NRIP1: variants seen among roughly 807,000 people sequenced by gnomAD.
NRIP1 encodes nuclear receptor interacting protein 1.
A neutral mutation model predicts 75.0 loss-of-function variants in NRIP1; 28 were observed. The ratio of observed to expected loss-of-function variants is 0.37; its 90% CI spans 0.28 to 0.51. The LOEUF (loss-of-function observed/expected upper bound fraction) is 0.51, where lower values mean the gene tolerates loss of function less well. NRIP1 is among the 20% of genes least tolerant of loss of function. The probability of loss-of-function intolerance (pLI) is 0.92; values close to 1 mark genes in which losing one functional copy is unlikely to be tolerated. For missense variants in NRIP1, 1,435 were observed against 1,343.7 expected (o/e 1.07, Z -1.06); for synonymous variants, 526 against 487.6 (o/e 1.08, Z -1.04).
intron 1 of NRIP1, among the ~76,000 whole-genome samples, chr21:15,058,430 C>A (rs1417817517): frequency 2.0e-5 from 3 of 152,036 alleles, no homozygotes; most frequent in Non-Finnish European, 4.4e-5. Context: ...TAATTTGTTT[C>A]TTTTCCAGTG....
At chr21:14,998,833 T>G (rs1201505787) in intron 3 of NRIP1, among the ~76,000 whole-genome samples, 1 of 152,200 alleles carries the variant, frequency 6.6e-6, no homozygotes, top group Non-Finnish European at 1.5e-5. Context: ...GTCAATCAAC[T>G]GTTTTAATGT....
chr21:15,045,725 T>C (rs1488208817), intron 1 of NRIP1, among the ~76,000 whole-genome samples: 2 of 152,242 alleles, frequency 1.3e-5, no homozygotes, highest in Non-Finnish European at 2.9e-5. Flanking sequence ...CAGTAGAATA[T>C]CTTTCTAGAT....
chr21:15,034,786 A>G (rs958051572), intron 2 of NRIP1, among the ~76,000 whole-genome samples: 2 of 152,208 alleles, frequency 1.3e-5, no homozygotes, highest in Non-Finnish European at 2.9e-5. Context: ...TTAAAAGTAA[A>G]TGAACATAAA....
rs1002914069 is a variant in NRIP1, at chr21:15,053,131, T to C, written c.-537-9557A>G. ...AAGTAACATGCCATTAAACAGAATA[T>C]ACAATGATTTTGCAAAAGCAAGATC... On this transcript the variant is annotated intron_variant, in intron 1 of 3. Transcript: ENST00000318948. Among the ~76,000 whole-genome samples, 8 of 152,200 alleles carry C rather than the reference T, an allele frequency of 5.3e-5. No individual in the cohort carries two copies. In the East Asian group the frequency reaches 1.5e-3, roughly 29 times the overall value.
At chr21:15,049,498 A>G (rs1430358979) in intron 1 of NRIP1, among the ~76,000 whole-genome samples, 1 of 152,144 alleles carries the variant, frequency 6.6e-6, no homozygotes, top group Non-Finnish European at 1.5e-5. Context: ...ATTGTAACAC[A>G]AACAAGGTAT....
chr21:14,989,898 A>T (rs564337847), intron 3 of NRIP1, among the ~76,000 whole-genome samples: 1 of 152,218 alleles, frequency 6.6e-6, no homozygotes, highest in African/African-American at 2.4e-5. Context: ...ATAAACAAAA[A>T]CTTGTCATTT....
chr21:15,026,110 C>T (rs2088512928), intron 2 of NRIP1, among the ~76,000 whole-genome samples: 3 of 152,052 alleles, frequency 2.0e-5, no homozygotes, highest in Admixed American at 2.0e-4. Flanking sequence ...AATAAGTCAA[C>T]AGAGGAAAAA....
intron 3 of NRIP1, among the ~76,000 whole-genome samples, chr21:14,978,881 A>G (rs1277307408): frequency 6.6e-6 from 1 of 152,214 alleles, no homozygotes; most frequent in African/African-American, 2.4e-5. Flanking sequence ...CTAAACTGCC[A>G]AACAATTTCT....
intron 2 of NRIP1, among the ~76,000 whole-genome samples, chr21:15,022,691 C>T (rs2147215721): frequency 6.6e-6 from 1 of 152,268 alleles, no homozygotes; most frequent in African/African-American, 2.4e-5. Context: ...GACTATCCAC[C>T]TTCTTCATAC....
Position 14,968,095 on chromosome 21 carries a change from G to T in NRIP1, c.98C>A (p.Ser33Ter). 1 of 1,614,034 alleles carries T rather than the reference G, an allele frequency of 6.2e-7. No homozygotes were observed. The highest frequency in any genetic ancestry group is 1.7e-5 in the Admixed American group (1 of 59,974). Residue 33 changes from serine to a stop codon, truncating the protein, a stop_gained, in exon 4 of 4, where the codon TCA becomes TAA. Transcript: ENST00000318948. LOFTEE classifies it high-confidence loss of function. ...AGACTTTTTGTCAACGGCAGTACCT[G>T]ATCCCCCTGCTGCCTGATGCATTAG... is the stretch of plus-strand genomic sequence containing the variant. ...GLLMHQAAGG[S>*]GTAVDKKSAG...
intron 3 of NRIP1, among the ~76,000 whole-genome samples, chr21:14,975,166 T>C (rs1254080928): frequency 3.3e-5 from 5 of 152,054 alleles, no homozygotes; most frequent in Admixed American, 6.6e-5. Context: ...TCATCTAGGA[T>C]GTATCTGAAG....
At chr21:15,046,971 A>G (rs1202362750) in intron 1 of NRIP1, among the ~76,000 whole-genome samples, 2 of 152,192 alleles carry the variant, frequency 1.3e-5, no homozygotes, top group Non-Finnish European at 2.9e-5. Context: ...GCTTAAGGGA[A>G]TGTTATGGCT....
chr21:15,028,868 T>C (rs1370203411), intron 2 of NRIP1, among the ~76,000 whole-genome samples: 1 of 152,148 alleles, frequency 6.6e-6, no homozygotes, highest in Non-Finnish European at 1.5e-5. Flanking sequence ...TAAACAAGTG[T>C]TTATCTGACA....
chr21:14,965,206 T>A lies in NRIP1; in HGVS notation c.2987A>T (p.Asp996Val). 5 of 1,613,926 alleles carry A rather than the reference T, an allele frequency of 3.1e-6. No individual in the cohort carries two copies. Among genetic ancestry groups the A allele is most frequent in the Non-Finnish European group, 4.2e-6 (5 of 1,179,938 alleles). Residue 996 changes from aspartate to valine, a missense_variant, in exon 4 of 4, where the codon GAT (aspartate) becomes GTT (valine). Asp to Val is a radical substitution (Grantham distance 152, BLOSUM62 -3). Coordinates refer to ENST00000318948, the MANE Select transcript of NRIP1 (RefSeq NM_003489.4). Reference sequence around the variant, plus strand: ...ACCTGGGTATGAAAATGTCCTGTTATCCATGCAACTGCTGGGCTGAGTGGA... The same window carrying A: ...ACCTGGGTATGAAAATGTCCTGTTAACCATGCAACTGCTGGGCTGAGTGGA... ...YSSTQPSSCMDNRTFSYPGVV... is the reference protein window; with the variant it reads ...YSSTQPSSCMVNRTFSYPGVV...
At chr21:15,051,127 C>G (rs1032023429) in intron 1 of NRIP1, 3 of 351,866 alleles carry the variant, frequency 8.5e-6, no homozygotes, top group Non-Finnish European at 1.7e-5. Flanking sequence ...GGCCCCTAGA[C>G]CAACACTGGG....
At chr21:15,004,436 ACT>A (rs1184286518) in intron 3 of NRIP1, among the ~76,000 whole-genome samples, 1 of 152,206 alleles carries the variant, frequency 6.6e-6, no homozygotes, top group Non-Finnish European at 1.5e-5. Flanking sequence ...CCACAAAATT[ACT>A]CTCTTAGATT....
intron 2 of NRIP1, among the ~76,000 whole-genome samples, chr21:15,027,735 A>G (rs925866651): frequency 3.3e-5 from 5 of 152,208 alleles, no homozygotes; most frequent in Admixed American, 3.3e-4. Flanking sequence ...AACTGGAGTA[A>G]TTCAATACAC....
chr21:15,033,076 T>C lies in NRIP1; in HGVS notation c.-458+10419A>G, dbSNP rs1318650634. ...CTGTTTCTACTAAAAATACAAAAAA[T>C]TAGCTGGGCATGGTGGTGGGCACCT... is the stretch of plus-strand genomic sequence containing the variant. On this transcript the variant is annotated intron_variant, in intron 2 of 3. Coordinates refer to ENST00000318948, the MANE Select transcript of NRIP1 (RefSeq NM_003489.4). Among the ~76,000 whole-genome samples, 3 of 151,762 alleles carry C rather than the reference T, an allele frequency of 2.0e-5. No individual in the cohort carries two copies. The East Asian group carries it at 5.8e-4, about 29-fold the overall frequency.
rs2086673599 is a variant in NRIP1 at position 14,964,705 on chromosome 21, G to A, written c.*11C>T. ...TTTTAAAAAGATCCAAAACTGGATG[G>A]CAGGTACATTTTATTCTGATTCTTT... On this transcript the variant is annotated 3_prime_UTR_variant, in exon 4 of 4. Coordinates refer to ENST00000318948, the MANE Select transcript of NRIP1 (RefSeq NM_003489.4). The A allele has an allele frequency of 1.3e-6, 2 of 1,509,780 alleles. No homozygotes were observed. The highest frequency in any genetic ancestry group is 1.4e-5 in the South Asian group (1 of 73,350). 93.5% of individuals were successfully genotyped at this position (1,509,780 alleles called of 1,614,324 possible). A position where few individuals can be genotyped will look rare whatever the true frequency, so the allele number is the denominator to read the frequency against.
Sources: allele counts gnomAD v4.1 joint callset (sites outside exome capture counted in the v4.1 genomes callset), GRCh38; gene constraint gnomAD v4.1.1; transcripts MANE v1.5; gene names NCBI Gene and HGNC (gene_info 2026-07-23, HGNC 2026-07-21).